Variants in FMN2 observed in about 807,000 individuals in gnomAD.
FMN2 encodes formin 2.
Under a neutral mutation model 142.3 loss-of-function variants are expected in FMN2, and 51 were observed. The observed-to-expected ratio is 0.36, with a 90% CI of 0.29 to 0.45. FMN2 has a LOEUF of 0.45. Ranked by LOEUF, FMN2 falls within the 20% of genes least tolerant of loss-of-function variation. FMN2 has a pLI of 1.00. For missense variants in FMN2, 1,936 were observed against 2,122.8 expected (o/e 0.91, Z 1.73); for synonymous variants, 882 against 869.8 (o/e 1.01, Z -0.25).
At chr1:240,215,180 T>G (rs1666848990) in intron 6 of FMN2, among the ~76,000 whole-genome samples, 4 of 152,212 alleles carry the variant, frequency 2.6e-5, no homozygotes, top group Non-Finnish European at 5.9e-5. Context: ...TCAAATAATG[T>G]CATAAGGAAA....
chr1:240,278,555 C>T (rs746844640), intron 7 of FMN2, among the ~76,000 whole-genome samples: 13 of 151,782 alleles, frequency 8.6e-5, no homozygotes, highest in African/African-American at 1.9e-4. Flanking sequence ...CTAGAAGAGA[C>T]GAGGAATGGA....
intron 6 of FMN2, among the ~76,000 whole-genome samples, chr1:240,252,015 T>A (rs1668293047): frequency 6.6e-6 from 1 of 152,146 alleles, no homozygotes; most frequent in Non-Finnish European, 1.5e-5. Context: ...TTAAAGCAGT[T>A]CTCCTGCCTC....
intron 15 of FMN2, among the ~76,000 whole-genome samples, chr1:240,412,380 C>T (rs1198700527): frequency 6.6e-6 from 1 of 152,014 alleles, no homozygotes; most frequent in Non-Finnish European, 1.5e-5. Flanking sequence ...GGATAAGCTA[C>T]TTTTATTAGA....
intron 15 of FMN2, among the ~76,000 whole-genome samples, chr1:240,397,418 T>C (rs941375827): frequency 6.6e-6 from 1 of 152,158 alleles, no homozygotes. Flanking sequence ...TTCAACTGAT[T>C]GGAGGAAACC....
intron 2 of FMN2, chr1:240,171,189 A>G (rs1664688849): frequency 2.4e-6 from 2 of 821,184 alleles, no homozygotes; most frequent in Non-Finnish European, 4.4e-6. Flanking sequence ...CTAAAAAGAT[A>G]AAAGTTGATG....
chr1:240,226,655 A>T (rs1667311947), intron 6 of FMN2, among the ~76,000 whole-genome samples: 4 of 152,150 alleles, frequency 2.6e-5, no homozygotes, highest in African/African-American at 9.7e-5. Context: ...CTCTTAAGTG[A>T]TAGTTTGTGG....
At chr1:240,364,231 T>G (rs193150072) in intron 14 of FMN2, among the ~76,000 whole-genome samples, 396 of 152,206 alleles carry the variant, frequency 2.6e-3, no homozygotes, top group African/African-American at 9.4e-3. Context: ...TAAAGGAGGC[T>G]GGAGCAGTAT....
chr1:240,317,863 C>A (rs1180218026), intron 8 of FMN2, among the ~76,000 whole-genome samples: 2 of 152,154 alleles, frequency 1.3e-5, no homozygotes, highest in African/African-American at 4.8e-5. Context: ...CCATTCTCAG[C>A]AGCAATATAT....
At chr1:240,437,610 T>G (rs957860659) in intron 15 of FMN2, among the ~76,000 whole-genome samples, 1 of 152,152 alleles carries the variant, frequency 6.6e-6, no homozygotes, top group Non-Finnish European at 1.5e-5. Flanking sequence ...CTGGGACTCT[T>G]GCTTTTATTC....
At chr1:240,412,457 T>A (rs1674431093) in intron 15 of FMN2, among the ~76,000 whole-genome samples, 1 of 152,146 alleles carries the variant, frequency 6.6e-6, no homozygotes, top group Non-Finnish European at 1.5e-5. Context: ...GTCCATTTTT[T>A]AAAACCACTT....
intron 8 of FMN2, among the ~76,000 whole-genome samples, chr1:240,323,280 C>CA (rs572036308): frequency 2.0e-4 from 30 of 152,006 alleles, no homozygotes; most frequent in African/African-American, 7.2e-4. Context: ...CTGCAACCTG[C>CA]ACCTCCCAGG....
At chr1:240,200,594 G>A (rs539056163) in intron 4 of FMN2, among the ~76,000 whole-genome samples, 1 of 152,246 alleles carries the variant, frequency 6.6e-6, no homozygotes, top group Non-Finnish European at 1.5e-5. Flanking sequence ...TTACAGGCTA[G>A]TCAGTTAAGG....
intron 15 of FMN2, among the ~76,000 whole-genome samples, chr1:240,422,970 T>C (rs992215845): frequency 2.6e-5 from 4 of 152,178 alleles, no homozygotes; most frequent in Admixed American, 1.3e-4. Flanking sequence ...CCTTTTTTTC[T>C]AAGAGCAGTT....
chr1:240,153,385 GT>G (rs58725251), intron 2 of FMN2, among the ~76,000 whole-genome samples: 291 of 124,294 alleles, frequency 2.3e-3, no homozygotes, highest in Non-Finnish European at 2.5e-3. Flanking sequence ...TGTATTTACA[GT>G]TTTTTTTTTT....
rs71567282 is a variant in FMN2, at chr1:240,241,825, C to CTTTT, written c.4066-16094_4066-16091dup. ...ATTTTCTTTATTTTAGTGTGCCTTG[C>CTTTT]TTTTTTTTTTTTTTTTTTTTTTTTT... On this transcript the variant is annotated intron_variant, in intron 6 of 17. Transcript: ENST00000319653. Among the ~76,000 whole-genome samples, 55 of 96,220 alleles carry CTTTT rather than the reference C, an allele frequency of 5.7e-4. 5 individuals carry two copies. Among genetic ancestry groups the CTTTT allele is most frequent in the African/African-American group, 7.6e-4 (20 of 26,322 alleles). The allele number at this position is 96,220 out of a possible 152,430, so 63.1% of individuals were successfully genotyped here. A position where few individuals can be genotyped will look rare whatever the true frequency, so the allele number is the denominator to read the frequency against.
chr1:240,310,639 ATC>A (rs1670574696), intron 8 of FMN2, among the ~76,000 whole-genome samples: 1 of 152,188 alleles, frequency 6.6e-6, no homozygotes, highest in South Asian at 2.1e-4. Flanking sequence ...AGAGAGTAAG[ATC>A]TTTTCCTAAG....
chr1:240,199,294 A>T (rs894992735), intron 4 of FMN2, among the ~76,000 whole-genome samples: 1 of 152,226 alleles, frequency 6.6e-6, no homozygotes, highest in African/African-American at 2.4e-5. Context: ...TAAAATTTAT[A>T]AAATAAATTA....
intron 17 of FMN2, 52 bp from the exon 18 acceptor site, chr1:240,474,076 T>G: frequency 6.7e-7 from 1 of 1,493,434 alleles, no homozygotes. Context: ...ATTCTTTCCA[T>G]TTTTAAAAGT....
intron 5 of FMN2, among the ~76,000 whole-genome samples, chr1:240,209,736 C>G (rs1366981056): frequency 6.6e-6 from 1 of 151,218 alleles, no homozygotes; most frequent in Non-Finnish European, 1.5e-5. Flanking sequence ...AACCTCGTCT[C>G]TACTAAAAAT....
Sources: allele counts gnomAD v4.1 joint callset (sites outside exome capture counted in the v4.1 genomes callset), GRCh38; gene constraint gnomAD v4.1.1; transcripts MANE v1.5; gene names NCBI Gene and HGNC (gene_info 2026-07-23, HGNC 2026-07-21).